Variants in ANK3 observed in about 807,000 individuals in gnomAD.
ANK3 encodes the protein ankyrin 3.
ANK3 carries 57 observed loss-of-function variants against 370.9 expected under a neutral mutation model. The ratio of observed to expected loss-of-function variants is 0.15; its 90% CI spans 0.12 to 0.19. The LOEUF (loss-of-function observed/expected upper bound fraction) is 0.19. ANK3 is among the 10% of genes least tolerant of loss of function. The pLI is 1.00. For synonymous variants in ANK3, 1,929 were observed against 1,946.3 expected, an observed-to-expected ratio of 0.99 and a Z score of 0.23; for missense variants, 4,439 against 5,302.1, an observed-to-expected ratio of 0.84 and a Z score of 5.06.
intron 31 of ANK3, 78 bp downstream of exon 31, chr10:60,085,079 G>T: frequency 8.2e-7 from 1 of 1,212,770 alleles, no homozygotes; most frequent in Non-Finnish European, 1.2e-6. Flanking sequence ...TTTTAGTATT[G>T]AACACAACAA....
At chr10:60,621,188 T>C (rs1240974651) in intron 1 of ANK3, among the ~76,000 whole-genome samples, 1 of 152,162 alleles carries the variant, frequency 6.6e-6, no homozygotes, top group African/African-American at 2.4e-5. Context: ...CAATGCAATG[T>C]GTTCGCTTAT....
At chr10:60,419,343 C>G (rs2063732847) in intron 2 of ANK3, among the ~76,000 whole-genome samples, 1 of 151,924 alleles carries the variant, frequency 6.6e-6, no homozygotes, top group South Asian at 2.1e-4. Flanking sequence ...TCTCAGAGGC[C>G]CCTGCTCCTA....
chr10:60,333,243 G>T (rs1258930517), intron 1 of ANK3, among the ~76,000 whole-genome samples: 1 of 151,986 alleles, frequency 6.6e-6, no homozygotes, highest in Non-Finnish European at 1.5e-5. Flanking sequence ...GTGGTTTGCT[G>T]CACCCATCAA....
At position 60,095,900 on chromosome 10, in the gene ANK3, A is replaced by T. The variant is rs539498922; in HGVS notation, c.3329-7542T>A. On this transcript the variant is annotated intron_variant, in intron 28 of 43. Transcript: ENST00000280772. ...TTTAAAAGTATATCAGAGGCCGGGT[A>T]CAGTGGCTCATGCCTGTAATCCCAG... Among the ~76,000 whole-genome samples, 178 of 152,326 alleles carry T rather than the reference A, an allele frequency of 1.2e-3. 1 individual carries two copies. The highest frequency in any genetic ancestry group is 2.6e-4 in the Non-Finnish European group (18 of 68,024).
At chr10:60,205,981 T>A in intron 10 of ANK3, 91 bp from the exon 11 acceptor site, 1 of 815,456 alleles carries the variant, frequency 1.2e-6, no homozygotes, top group Non-Finnish European at 2.1e-6. Context: ...TAAAATGATG[T>A]GTGGTAAATT....
intron 2 of ANK3, among the ~76,000 whole-genome samples, chr10:60,518,639 A>G (rs1244418187): frequency 8.5e-5 from 13 of 152,110 alleles, no homozygotes; most frequent in Admixed American, 7.9e-4. Context: ...GTGATTCTTT[A>G]TCACTTTCCC....
chr10:60,249,054 A>G (rs2097601439), intron 7 of ANK3, among the ~76,000 whole-genome samples: 1 of 152,172 alleles, frequency 6.6e-6, no homozygotes, highest in African/African-American at 2.4e-5. Flanking sequence ...GTTTTTCTTT[A>G]TATTTCTTTA....
intron 1 of ANK3, among the ~76,000 whole-genome samples, chr10:60,380,412 A>G (rs2061406810): frequency 6.6e-6 from 1 of 152,170 alleles, no homozygotes; most frequent in Non-Finnish European, 1.5e-5. Flanking sequence ...AGAGTGGTGG[A>G]AAAAGCACAG....
At chr10:60,672,699 T>A (rs1231589936) in intron 1 of ANK3, among the ~76,000 whole-genome samples, 1 of 152,208 alleles carries the variant, frequency 6.6e-6, no homozygotes, top group Non-Finnish European at 1.5e-5. Flanking sequence ...AGTAAATTAA[T>A]CAAACCCAAG....
intron 2 of ANK3, among the ~76,000 whole-genome samples, chr10:60,463,237 T>G (rs999907816): frequency 6.6e-6 from 1 of 152,192 alleles, no homozygotes; most frequent in Non-Finnish European, 1.5e-5. Context: ...AGTTCTTTCC[T>G]CTTTTGGACT....
intron 2 of ANK3, among the ~76,000 whole-genome samples, chr10:60,613,744 T>G (rs1360954276): frequency 7.1e-6 from 1 of 140,510 alleles, no homozygotes; most frequent in East Asian, 2.1e-4. Context: ...ACTCAGTCCT[T>G]TCACTGAACA....
intron 1 of ANK3, among the ~76,000 whole-genome samples, chr10:60,688,781 T>C (rs1214178816): frequency 6.6e-6 from 1 of 151,920 alleles, no homozygotes; most frequent in Non-Finnish European, 1.5e-5. Flanking sequence ...ACCCCGTCTC[T>C]ACTAAAAATA....
At chr10:60,205,538 T>C (rs1216362098) in intron 11 of ANK3, among the ~76,000 whole-genome samples, 1 of 152,208 alleles carries the variant, frequency 6.6e-6, no homozygotes, top group Admixed American at 6.5e-5. Context: ...TCTGTGAAGG[T>C]GCCCTTCCCC....
chr10:60,300,513 T>C (rs1306547874), intron 1 of ANK3: 1 of 1,234,656 alleles, frequency 8.1e-7, no homozygotes, highest in Non-Finnish European at 1.0e-6. Context: ...AGTATTTAAA[T>C]GGAGGGTGGG....
intron 2 of ANK3, among the ~76,000 whole-genome samples, chr10:60,474,494 A>T (rs1002798680): frequency 6.6e-6 from 1 of 152,196 alleles, no homozygotes; most frequent in Non-Finnish European, 1.5e-5. Flanking sequence ...CAATGGGTTG[A>T]ATCAAAGGAA....
At chr10:60,624,722 T>TA (rs397947661) in intron 1 of ANK3, among the ~76,000 whole-genome samples, 4,039 of 126,924 alleles carry the variant, frequency 0.032, 144 homozygotes, top group African/African-American at 0.091. Context: ...ATAGTGGCTT[T>TA]AAAAAAAAAA....
At chr10:60,346,070 AC>A (rs1041020643) in intron 1 of ANK3, among the ~76,000 whole-genome samples, 2 of 152,144 alleles carry the variant, frequency 1.3e-5, no homozygotes, top group African/African-American at 4.8e-5. Flanking sequence ...AGAAGAAAAA[AC>A]AATGAAGCTA....
At chr10:60,151,226 G>A (rs2095097717) in intron 23 of ANK3, among the ~76,000 whole-genome samples, 1 of 152,116 alleles carries the variant, frequency 6.6e-6, no homozygotes, top group South Asian at 2.1e-4. Context: ...TATATACTTT[G>A]AAGGTCTATC....
At chr10:60,408,567 A>G (rs1191044557) in intron 2 of ANK3, among the ~76,000 whole-genome samples, 1 of 152,150 alleles carries the variant, frequency 6.6e-6, no homozygotes, top group Non-Finnish European at 1.5e-5. Context: ...TTTTCTTATA[A>G]ATGACCCAGT....
Sources: allele counts gnomAD v4.1 joint callset (sites outside exome capture counted in the v4.1 genomes callset), GRCh38; gene constraint gnomAD v4.1.1; transcripts MANE v1.5; gene names NCBI Gene and HGNC (gene_info 2026-07-23, HGNC 2026-07-21).